Variants in LDAH observed in about 807,000 individuals in gnomAD.
LDAH encodes lipid droplet-associated hydrolase.
In LDAH, 26 loss-of-function variants were observed where a neutral mutation model predicts 29.6. That is an observed-to-expected ratio of 0.88 (90% confidence interval 0.64 to 1.22). LDAH has a LOEUF of 1.22. LDAH is among the 50% of genes most tolerant of loss of function. The pLI is 0.00. For missense variants in LDAH, 344 were observed against 387.3 expected (o/e 0.89, Z 0.94); for synonymous variants, 117 against 133.0 (o/e 0.88, Z 0.83).
intron 6 of LDAH, among the ~76,000 whole-genome samples, chr2:20,700,288 G>C (rs1175420859): frequency 1.3e-5 from 2 of 152,232 alleles, no homozygotes; most frequent in East Asian, 3.9e-4. Context: ...TCAATCTCTA[G>C]CCAACTGCTA....
chr2:20,779,334 A>T (rs924601741), intron 3 of LDAH, among the ~76,000 whole-genome samples: 1 of 151,914 alleles, frequency 6.6e-6, no homozygotes, highest in Non-Finnish European at 1.5e-5. Context: ...GGAACAACAC[A>T]TACTAGGGCT....
At chr2:20,716,505 C>G (rs1157629670) in intron 5 of LDAH, among the ~76,000 whole-genome samples, 1 of 147,832 alleles carries the variant, frequency 6.8e-6, no homozygotes, top group Admixed American at 6.9e-5. Context: ...CATGTTCTCA[C>G]TCATAGGTGG....
chr2:20,696,294 T>C (rs1321652476), intron 6 of LDAH, among the ~76,000 whole-genome samples: 1 of 152,170 alleles, frequency 6.6e-6, no homozygotes, highest in Non-Finnish European at 1.5e-5. Context: ...ACACACACCT[T>C]TGGGCTAAGG....
chr2:20,752,447 C>G (rs539357216), intron 4 of LDAH, among the ~76,000 whole-genome samples: 32 of 152,138 alleles, frequency 2.1e-4, no homozygotes, highest in Non-Finnish European at 3.7e-4. Context: ...ACAGGTCTTC[C>G]TACTGAAATA....
chr2:20,730,515 G>A (rs928085447), intron 5 of LDAH, among the ~76,000 whole-genome samples: 3 of 152,132 alleles, frequency 2.0e-5, no homozygotes, highest in African/African-American at 2.4e-5. Context: ...TGATAGGTGT[G>A]TAATGATATC....
intron 3 of LDAH, among the ~76,000 whole-genome samples, chr2:20,779,679 T>G (rs1238912086): frequency 1.3e-5 from 2 of 152,144 alleles, no homozygotes; most frequent in Admixed American, 1.3e-4. Context: ...TTCACTTATT[T>G]TGTTAACAAA....
At chr2:20,711,249 G>A (rs1006541632) in intron 5 of LDAH, among the ~76,000 whole-genome samples, 6 of 152,116 alleles carry the variant, frequency 3.9e-5, no homozygotes, top group South Asian at 2.1e-4. Context: ...TTAGCCAGGC[G>A]TGGTGGTGGG....
chr2:20,687,010 T>A lies in LDAH; in HGVS notation c.871A>T (p.Ile291Phe). The stretch of plus-strand genomic sequence containing the variant: ...GGTATGTTTTTCTCACAGAGTCGAA[T>A]GTCTCCTTCTGGAAAATCCTTCTTA... ...DIKKDFPEGD[I>F]RLCEKNIPHA... Residue 291 changes from isoleucine to phenylalanine, a missense_variant, in exon 7 of 7, where the codon ATT becomes TTT. Transcript: ENST00000237822. 2 of 1,614,116 alleles carry A rather than the reference T, an allele frequency of 1.2e-6. No homozygotes were observed. Among genetic ancestry groups the A allele is most frequent in the Non-Finnish European group, 1.7e-6 (2 of 1,179,972 alleles).
At chr2:20,718,783 A>G (rs894887265) in intron 5 of LDAH, among the ~76,000 whole-genome samples, 2 of 152,158 alleles carry the variant, frequency 1.3e-5, no homozygotes, top group African/African-American at 4.8e-5. Flanking sequence ...AGTCTCAACA[A>G]ATTTAAAAGA....
intron 1 of LDAH, among the ~76,000 whole-genome samples, chr2:20,809,566 C>T (rs1222215928): frequency 1.3e-5 from 2 of 152,022 alleles, no homozygotes; most frequent in East Asian, 3.8e-4. Flanking sequence ...GAAAACGAGC[C>T]TGTTGTTAGG....
chr2:20,794,691 A>AGAAAT (rs1558485648), intron 2 of LDAH, among the ~76,000 whole-genome samples: 2 of 152,190 alleles, frequency 1.3e-5, no homozygotes, highest in Admixed American at 6.5e-5. Flanking sequence ...TTATCCTGTC[A>AGAAAT]GAAATATACT....
intron 5 of LDAH, among the ~76,000 whole-genome samples, chr2:20,729,127 A>G (rs536672658): frequency 6.6e-6 from 1 of 152,184 alleles, no homozygotes; most frequent in African/African-American, 2.4e-5. Flanking sequence ...TCTTATGCCT[A>G]AACTGTCTTG....
intron 4 of LDAH, among the ~76,000 whole-genome samples, chr2:20,746,592 C>A (rs2124871643): frequency 6.6e-6 from 1 of 152,040 alleles, no homozygotes; most frequent in South Asian, 2.1e-4. Context: ...TGACACTTTT[C>A]CTAGATATTG....
intron 5 of LDAH, among the ~76,000 whole-genome samples, chr2:20,718,153 A>C (rs1050258570): frequency 1.3e-5 from 2 of 152,200 alleles, no homozygotes; most frequent in African/African-American, 2.4e-5. Context: ...GACAGTATTA[A>C]GTCCTTACCT....
chr2:20,758,656 G>C (rs1558449714), intron 4 of LDAH, among the ~76,000 whole-genome samples: 1 of 152,188 alleles, frequency 6.6e-6, no homozygotes, highest in South Asian at 2.1e-4. Flanking sequence ...GAAGGACAGA[G>C]TAAAAATGAC....
chr2:20,759,678 A>G (rs1668548095), intron 4 of LDAH, among the ~76,000 whole-genome samples: 2 of 152,166 alleles, frequency 1.3e-5, no homozygotes, highest in African/African-American at 2.4e-5. Context: ...AGCCAAAAAG[A>G]GGCAATTTCA....
intron 3 of LDAH, 128 bp downstream of exon 3, chr2:20,790,127 A>C (rs1415976452): frequency 5.4e-6 from 5 of 918,974 alleles, no homozygotes; most frequent in Non-Finnish European, 8.1e-6. Context: ...GTTTACCAAA[A>C]TATGGCACCA....
At chr2:20,790,216 A>G (rs1258213579) in intron 3 of LDAH, 39 bp downstream of exon 3, 4 of 1,608,306 alleles carry the variant, frequency 2.5e-6, no homozygotes, top group Non-Finnish European at 3.4e-6. Flanking sequence ...ATGACCCTGC[A>G]CTCACTCTAA....
At chr2:20,712,050 T>C (rs1664803692) in intron 5 of LDAH, among the ~76,000 whole-genome samples, 1 of 152,206 alleles carries the variant, frequency 6.6e-6, no homozygotes, top group African/African-American at 2.4e-5. Context: ...CAGCACAGCA[T>C]TTGAGCTCTG....
Sources: allele counts gnomAD v4.1 joint callset (sites outside exome capture counted in the v4.1 genomes callset), GRCh38; gene constraint gnomAD v4.1.1; transcripts MANE v1.5; gene names NCBI Gene and HGNC (gene_info 2026-07-23, HGNC 2026-07-21).